Variants in PRKACA observed in about 807,000 individuals in gnomAD.
PRKACA encodes the protein cAMP-dependent protein kinase catalytic subunit alpha.
Under a neutral mutation model 45.8 loss-of-function variants are expected in PRKACA, and 9 were observed. The ratio of observed to expected loss-of-function variants is 0.20; its 90% confidence interval spans 0.12 to 0.34. The LOEUF is 0.34. Among genes scored for constraint, PRKACA ranks in the 10% least tolerant of loss-of-function variants. The pLI, the probability that PRKACA is intolerant of heterozygous loss-of-function variation, is 1.00. For synonymous variants in PRKACA, 160 were observed against 178.6 expected (o/e 0.90, Z 0.83); for missense variants, 238 against 458.6 (o/e 0.52, Z 4.39).
intron 5 of PRKACA, chr19:14,098,176 A>G: frequency 3.0e-6 from 1 of 330,024 alleles, no homozygotes; most frequent in Non-Finnish European, 5.7e-6. Context: ...TGCATTTCAA[A>G]CTGATTATGT....
rs749362012 is a variant in PRKACA at position 14,093,683 on chromosome 19, A to G, written c.875T>C (p.Ile292Thr). 7 of 1,614,026 alleles carry G rather than the reference A, an allele frequency of 4.3e-6. No individual in the cohort carries two copies. In the Admixed American group the frequency reaches 1.2e-4, roughly 27 times the overall value. ...TGTGGCAAACCACTTGTGGTTCTTG[A>G]TATCGTTGACCCCATTCTTGAGGTT... ...FGNLKNGVND[I>T]KNHKWFATTD... Residue 292 changes from isoleucine (I) to threonine (T), a missense_variant, in exon 9 of 10, where the codon ATC (isoleucine) becomes ACC (threonine). By Grantham distance (89) the Ile-to-Thr change is moderately conservative. This residue lies in a region of PRKACA where 94 missense variants were observed against 240.9 expected (regional missense o/e 0.39). Coordinates refer to ENST00000308677, the MANE Select transcript of PRKACA (RefSeq NM_002730.4).
rs763611702 is a variant in PRKACA at position 14,097,800 on chromosome 19, C to T, written c.510G>A (p.Pro170=). ...SLDLIYRDLK[P]ENLLIDQQGY... ...CCTGCTGGTCAATGAGCAGATTCTC[C>T]GGCTTCAGGTCCCTGTAGATGAGAT... The change falls in exon 6 of 10, where the codon CCG becomes CCA. Residue 170 remains proline, a synonymous_variant. Transcript: ENST00000308677. The surrounding 1 kb of genome is among the most constrained non-coding windows in gnomAD (Gnocchi z 5.4). 1.2e-5 allele frequency: 20 copies of T among 1,614,146 alleles called. No individual in the cohort carries two copies. The highest frequency in any genetic ancestry group is 4.0e-5 in the African/African-American group (3 of 75,032).
intron 2 of PRKACA, 143 bp downstream of exon 2, chr19:14,107,205 C>A (rs2144476527): frequency 1.1e-6 from 1 of 926,922 alleles, no homozygotes; most frequent in Non-Finnish European, 1.7e-6. Flanking sequence ...CACAGGAGCC[C>A]CCATGGGCAC....
At chr19:14,113,985 G>C (rs766793404) in intron 1 of PRKACA, 3 of 860,092 alleles carry the variant, frequency 3.5e-6, no homozygotes, top group Non-Finnish European at 5.7e-6. Flanking sequence ...CGCACAGCCC[G>C]GGGCTGTACA....
At chr19:14,102,940 G>A in intron 3 of PRKACA, 26 bp from the exon 4 acceptor site, 2 of 1,569,878 alleles carry the variant, frequency 1.3e-6, no homozygotes, top group Non-Finnish European at 1.8e-6. Flanking sequence ...GGGGAGGGCA[G>A]AAAGGAGGGG....
In PRKACA at chr19:14,107,389, C is replaced by T; in HGVS notation, c.67G>A (p.Ala23Thr). 1 of 1,614,154 alleles carries T rather than the reference C, an allele frequency of 6.2e-7. No individual in the cohort carries two copies. Among genetic ancestry groups the T allele is most frequent in the Non-Finnish European group, 8.5e-7 (1 of 1,179,994 alleles). ...CATTTTTTAAGAAAATCTTCTTTGGCTTTGGCTAAGAATTCTTTCACTGAA... is the reference window on the plus strand; with the variant it reads ...CATTTTTTAAGAAAATCTTCTTTGGTTTTGGCTAAGAATTCTTTCACTGAA... ...QESVKEFLAK[A>T]KEDFLKKWES... Residue 23 changes from alanine (A) to threonine (T), a missense_variant, in exon 2 of 10, where the codon GCC (alanine) becomes ACC (threonine). Transcript: ENST00000308677.
chr19:14,114,098 C>G, intron 1 of PRKACA: 2 of 1,602,034 alleles, frequency 1.2e-6, no homozygotes, highest in African/African-American at 2.7e-5. Flanking sequence ...CAGAGTGTGC[C>G]TAGGAAGTTG....
Position 14,097,168 on chromosome 19 carries a change from G to T in PRKACA, c.765+193C>A. 1 of 789,658 alleles carries T rather than the reference G, an allele frequency of 1.3e-6. No individual in the cohort carries two copies. Among genetic ancestry groups the T allele is most frequent in the Non-Finnish European group, 2.0e-6 (1 of 499,272 alleles). The allele number at this position is 789,658 out of a possible 1,614,324, so 48.9% of individuals were successfully genotyped here. A position where few individuals can be genotyped will look rare whatever the true frequency, so the allele number is the denominator to read the frequency against. Reference sequence around the variant, plus strand: ...AGCCCATGGGATTCTGGAACCGCGGGGTTGGGGCTGGACAGCAAGGGGGCT... The same window carrying T: ...AGCCCATGGGATTCTGGAACCGCGGTGTTGGGGCTGGACAGCAAGGGGGCT... On this transcript the variant is annotated intron_variant, in intron 8 of 9. Coordinates refer to ENST00000308677, the MANE Select transcript of PRKACA (RefSeq NM_002730.4). This position sits in a 1 kb window ranked among gnomAD's most constrained non-coding sequence, Gnocchi z 5.4.
chr19:14,103,886 C>T (rs765967637), intron 3 of PRKACA, among the ~76,000 whole-genome samples: 13 of 150,592 alleles, frequency 8.6e-5, no homozygotes, highest in East Asian at 2.0e-4. Flanking sequence ...GGCAATGTAG[C>T]GAGACCCCAT....
intron 1 of PRKACA, among the ~76,000 whole-genome samples, chr19:14,113,595 C>T (rs1056672675): frequency 4.6e-5 from 7 of 152,204 alleles, no homozygotes; most frequent in African/African-American, 7.2e-5. Context: ...GGAGCCCAGC[C>T]ACAGAACCCC....
intron 3 of PRKACA, among the ~76,000 whole-genome samples, chr19:14,103,598 G>T (rs532477724): frequency 6.6e-6 from 1 of 152,298 alleles, no homozygotes; most frequent in African/African-American, 2.4e-5. Context: ...TGGCCAGCCT[G>T]GTCCCTCAGT....
At chr19:14,114,312 C>T in intron 1 of PRKACA, 2 of 948,916 alleles carry the variant, frequency 2.1e-6, no homozygotes, top group South Asian at 1.5e-5. Flanking sequence ...ACCCAGAGGC[C>T]ACTGGGTGTG....
chr19:14,114,019 G>C (rs1944197448), intron 1 of PRKACA: 1 of 1,237,654 alleles, frequency 8.1e-7, no homozygotes. Flanking sequence ...GGGCCAGCCA[G>C]GGGTTCACAT....
chr19:14,117,414 C>A, intron 1 of PRKACA, 88 bp downstream of exon 1: 1 of 1,198,842 alleles, frequency 8.3e-7, no homozygotes, highest in Admixed American at 4.6e-5. Context: ...GGATGAGGGG[C>A]CCCGTAGGGG....
In PRKACA at chr19:14,107,378, A is replaced by G; in HGVS notation, c.78T>C (p.Asp26=). The G allele has an allele frequency of 6.2e-7, 1 of 1,614,142 alleles. No individual in the cohort carries two copies. The highest frequency in any genetic ancestry group is 8.5e-7 in the Non-Finnish European group (1 of 1,179,994). The change falls in exon 2 of 10, where the codon GAT becomes GAC. Residue 26 remains aspartate, a synonymous_variant. Coordinates refer to ENST00000308677, the MANE Select transcript of PRKACA (RefSeq NM_002730.4). ...VKEFLAKAKE[D]FLKKWESPAQ... is the part of the protein sequence containing the mutation. ...CGGGACTTTCCCATTTTTTAAGAAA[A>G]TCTTCTTTGGCTTTGGCTAAGAATT...
At chr19:14,096,350 TG>T (rs1387422429) in intron 8 of PRKACA, 3,463 of 141,780 alleles carry the variant, frequency 0.024, 167 homozygotes, top group African/African-American at 0.098. Context: ...CCGGCCAGTT[TG>T]TTTTTTTTTT....
At position 14,097,895 on chromosome 19, in the gene PRKACA, T is replaced by C. The variant is rs1420680220; in HGVS notation, c.420-5A>G. 7 of 1,613,886 alleles carry C rather than the reference T, an allele frequency of 4.3e-6. No homozygotes were observed. Among genetic ancestry groups the C allele is most frequent in the Middle Eastern group, 1.6e-4 (1 of 6,082 alleles). ...TAGAAACGGGCATGGGGCTCACTGA[T>C]GGGGACAAATGGGGAGGTGAACGTC... On this transcript the variant is annotated splice_region_variant and splice_polypyrimidine_tract_variant and intron_variant, in intron 5 of 9. Transcript: ENST00000308677. The surrounding 1 kb of genome is among the most constrained non-coding windows in gnomAD (Gnocchi z 5.4).
intron 1 of PRKACA, chr19:14,114,192 G>A (rs1967056245): frequency 6.2e-7 from 1 of 1,604,510 alleles, no homozygotes; most frequent in Non-Finnish European, 8.5e-7. Context: ...GCACTACGGT[G>A]GCTGGGAAGG....
chr19:14,109,628 AG>A (rs1206268400), intron 1 of PRKACA, among the ~76,000 whole-genome samples: 1 of 149,772 alleles, frequency 6.7e-6, no homozygotes, highest in East Asian at 2.0e-4. Context: ...GAAAAAAAAA[AG>A]AAAAAAGAAA....
Sources: gnomAD v4.1 joint callset for allele counts (sites outside exome capture counted in the v4.1 genomes callset) on GRCh38, gnomAD v4.1.1 for gene constraint, gnomAD v4.1.1 regional missense constraint, Gnocchi (gnomAD v3.1) non-coding constraint, MANE v1.5 for transcripts, NCBI Gene and HGNC (gene_info 2026-07-23, HGNC 2026-07-21) for gene names.